The following KDM2A variants were observed in gnomAD, a reference collection of about 807,000 sequenced individuals.
The protein encoded by KDM2A is lysine demethylase 2A, also known as lysine-specific demethylase 2A.
In KDM2A, 3 loss-of-function variants were observed where a neutral mutation model predicts 137.3. That is an observed-to-expected ratio of 0.02 (90% CI 0.01 to 0.06). The LOEUF (loss-of-function observed/expected upper bound fraction) is 0.06, where lower values mean the gene tolerates loss of function less well. KDM2A is among the 10% of genes least tolerant of loss of function. The pLI is 1.00. For missense variants in KDM2A, 738 were observed against 1,510.6 expected, an observed-to-expected ratio of 0.49 and a Z score of 8.48; for synonymous variants, 512 against 541.5, an observed-to-expected ratio of 0.95 and a Z score of 0.76.
At chr11:67,210,217 C>T (rs1182486270) in intron 6 of KDM2A, among the ~76,000 whole-genome samples, 1 of 151,878 alleles carries the variant, frequency 6.6e-6, no homozygotes, top group African/African-American at 2.4e-5. Context: ...AAAAATTAGC[C>T]AGGCATGATG....
intron 2 of KDM2A, among the ~76,000 whole-genome samples, chr11:67,150,090 A>T (rs1295974562): frequency 6.6e-6 from 1 of 152,240 alleles, no homozygotes; most frequent in Admixed American, 6.5e-5. Context: ...GTGTAATGAC[A>T]GATCTTACAC....
intron 2 of KDM2A, among the ~76,000 whole-genome samples, chr11:67,123,938 A>C (rs1177884565): frequency 6.6e-6 from 1 of 151,300 alleles, no homozygotes; most frequent in Non-Finnish European, 1.5e-5. Context: ...TGGCCTCCCA[A>C]AGTGCTGAGA....
In KDM2A at chr11:67,235,214, G is replaced by GTA. The variant is rs1413493126; in HGVS notation, c.1479+3255_1479+3256insAT. On this transcript the variant is annotated intron_variant, in intron 12 of 20. Transcript: ENST00000529006. The stretch of plus-strand genomic sequence containing the variant: ...GGTAAACTGGTAAAGCTATCAGCGT[G>GTA]TGTATGAGGTTCTGTTTGGGAGGGG... 3.3e-5 allele frequency among the ~76,000 whole-genome samples: 5 copies of GTA among 151,824 alleles called. No homozygotes were observed. The East Asian group carries it at 5.8e-4, about 18-fold the overall frequency.
intron 2 of KDM2A, among the ~76,000 whole-genome samples, chr11:67,122,637 A>ATT (rs1855622515): frequency 7.0e-6 from 1 of 142,262 alleles, no homozygotes; most frequent in Non-Finnish European, 1.5e-5. Context: ...CCTATTTTTT[A>ATT]TTTATTTTTA....
At chr11:67,213,131 C>T (rs1180140856) in intron 6 of KDM2A, among the ~76,000 whole-genome samples, 1 of 152,210 alleles carries the variant, frequency 6.6e-6, no homozygotes, top group Non-Finnish European at 1.5e-5. Context: ...TTTCTAAACA[C>T]TCTCCCACAG....
intron 13 of KDM2A, among the ~76,000 whole-genome samples, chr11:67,244,527 A>C (rs1052187799): frequency 7.1e-6 from 1 of 141,222 alleles, no homozygotes; most frequent in South Asian, 2.1e-4. Flanking sequence ...GGAGGGGTGA[A>C]TCTTAACAGC....
Position 67,254,980 on chromosome 11 carries a change from G to A in KDM2A, c.3414G>A (p.Glu1138=), listed in dbSNP as rs773651283. ...GCKQITRKAC[E]HFISDLSINS... ...AGCAGATCACTCGAAAAGCCTGCGA[G>A]CACTTCATCTCAGACTTGTCCATCA... is the stretch of plus-strand genomic sequence containing the variant. The change falls in exon 21 of 21, where the codon GAG becomes GAA. Residue 1138 remains glutamate (E), a synonymous_variant. Transcript: ENST00000529006. This position sits in a 1 kb window ranked among gnomAD's most constrained non-coding sequence, Gnocchi z 4.7. The A allele has an allele frequency of 1.9e-6, 3 of 1,613,788 alleles. No individual in the cohort carries two copies. In the East Asian group the frequency reaches 6.7e-5, roughly 36 times the overall value.
At chr11:67,176,229 A>G (rs577281965) in intron 2 of KDM2A, among the ~76,000 whole-genome samples, 40 of 152,262 alleles carry the variant, frequency 2.6e-4, no homozygotes, top group African/African-American at 8.7e-4. Flanking sequence ...TCTGGTATGT[A>G]ATAGTCAAGT....
chr11:67,119,650 C>T lies in KDM2A; in HGVS notation c.-483C>T. 1 of 148,780 alleles carries T rather than the reference C, an allele frequency of 6.7e-6. No homozygotes were observed. Among genetic ancestry groups the T allele is most frequent in the East Asian group, 2.0e-4 (1 of 5,092 alleles). The allele number at this position is 148,780 out of a possible 1,614,324, so 9.2% of individuals were successfully genotyped here. A position where few individuals can be genotyped will look rare whatever the true frequency, so the allele number is the denominator to read the frequency against. On this transcript the variant is annotated 5_prime_UTR_variant, in exon 1 of 21. Transcript: ENST00000529006. ...GGGGCCGGGGCGGCGCGGGGAGCCT[C>T]GGGCCGGCCGGTCTCAGCTGATCGG...
chr11:67,204,271 AGT>A (rs1426572729), intron 5 of KDM2A, among the ~76,000 whole-genome samples: 3 of 152,098 alleles, frequency 2.0e-5, no homozygotes, highest in African/African-American at 7.2e-5. Context: ...GTTTTTTCAC[AGT>A]GTGCAACCAT....
intron 10 of KDM2A, among the ~76,000 whole-genome samples, chr11:67,225,309 C>T (rs187134078): frequency 2.3e-3 from 350 of 152,250 alleles, no homozygotes; most frequent in Middle Eastern, 6.8e-3. Context: ...AATGTCAAAT[C>T]CTAGAAAACA....
chr11:67,180,535 T>C (rs1255173072), intron 3 of KDM2A: 1 of 216,832 alleles, frequency 4.6e-6, no homozygotes, highest in Non-Finnish European at 9.1e-6. Flanking sequence ...AATCCTTTTA[T>C]GTATATATCT....
intron 2 of KDM2A, among the ~76,000 whole-genome samples, chr11:67,155,095 A>G (rs914339578): frequency 6.6e-6 from 1 of 151,834 alleles, no homozygotes; most frequent in African/African-American, 2.4e-5. Context: ...GCTCACTGCA[A>G]CCTCTGCCTC....
intron 17 of KDM2A, 134 bp from the exon 18 acceptor site, chr11:67,252,560 A>G: frequency 1.0e-6 from 1 of 965,456 alleles, no homozygotes; most frequent in Non-Finnish European, 1.6e-6. Flanking sequence ...AAAAATGATA[A>G]GGTGTGATCC....
At chr11:67,230,495 ACATG>A (rs1238654742) in intron 11 of KDM2A, among the ~76,000 whole-genome samples, 1 of 151,976 alleles carries the variant, frequency 6.6e-6, no homozygotes, top group Non-Finnish European at 1.5e-5. Context: ...GTGTTGGGGC[ACATG>A]CCTCTGGTCC....
At chr11:67,209,072 A>G (rs1386338004) in intron 6 of KDM2A, among the ~76,000 whole-genome samples, 1 of 151,652 alleles carries the variant, frequency 6.6e-6, no homozygotes, top group Admixed American at 6.6e-5. Context: ...AGTAGCTGAG[A>G]CTACAGGCCA....
chr11:67,165,712 G>A (rs959179561), intron 2 of KDM2A, among the ~76,000 whole-genome samples: 1 of 152,036 alleles, frequency 6.6e-6, no homozygotes, highest in Non-Finnish European at 1.5e-5. Flanking sequence ...TAAAGACTTA[G>A]GAGAAACAGC....
chr11:67,240,811 C>T (rs1031704076), intron 12 of KDM2A, among the ~76,000 whole-genome samples: 1 of 152,028 alleles, frequency 6.6e-6, no homozygotes, highest in Admixed American at 6.6e-5. Flanking sequence ...GAAAGCAGGG[C>T]GTGCTTGGTT....
rs748377407 is a variant in KDM2A at position 67,255,482 on chromosome 11, T to TTCTTGTGGTG, written c.*430_*439dup. 2.6e-4 allele frequency: 118 copies of TTCTTGTGGTG among 458,704 alleles called. 1 individual carries two copies. The East Asian group carries it at 4.0e-3, about 16-fold the overall frequency. 28.4% of individuals were successfully genotyped at this position (458,704 alleles called of 1,614,324 possible). ...AAACGGCCCTGTCTCCATGGCCAGG[T>TTCTTGTGGTG]TCTTGTGGTGTCCAGTGCGCGTCTC... is the stretch of plus-strand genomic sequence containing the variant. On this transcript the variant is annotated 3_prime_UTR_variant, in exon 21 of 21. Coordinates refer to ENST00000529006, the MANE Select transcript of KDM2A (RefSeq NM_012308.3).
Sources: allele counts gnomAD v4.1 joint callset (sites outside exome capture counted in the v4.1 genomes callset), GRCh38; gene constraint gnomAD v4.1.1; non-coding constraint Gnocchi (gnomAD v3.1); transcripts MANE v1.5; gene names NCBI Gene and HGNC (gene_info 2026-07-23, HGNC 2026-07-21).